The following ARID5B variants were observed in gnomAD, a reference collection of about 807,000 sequenced individuals.
The protein encoded by ARID5B is AT-rich interaction domain 5B.
Under a neutral mutation model 97.2 loss-of-function variants are expected in ARID5B, and 13 were observed. The observed-to-expected ratio is 0.13, with a 90% CI of 0.09 to 0.21. ARID5B has a LOEUF of 0.21. ARID5B is among the 10% of genes least tolerant of loss of function. ARID5B has a pLI of 1.00. For missense variants in ARID5B, 1,210 were observed against 1,465.3 expected (o/e 0.83, Z 2.84); for synonymous variants, 556 against 570.3 (o/e 0.97, Z 0.36).
intron 2 of ARID5B, among the ~76,000 whole-genome samples, chr10:61,936,242 T>G (rs1175930627): frequency 6.6e-6 from 1 of 152,208 alleles, no homozygotes; most frequent in African/African-American, 2.4e-5. Flanking sequence ...ATATCTCCTA[T>G]AAATAGAAAA....
chr10:61,968,068 T>C (rs1836749370), intron 3 of ARID5B, among the ~76,000 whole-genome samples: 1 of 148,864 alleles, frequency 6.7e-6, no homozygotes, highest in Non-Finnish European at 1.5e-5. Flanking sequence ...TGGGTGGGGG[T>C]GGCTCATTTC....
At chr10:61,972,139 T>C (rs377277514) in intron 3 of ARID5B, among the ~76,000 whole-genome samples, 1 of 152,100 alleles carries the variant, frequency 6.6e-6, no homozygotes. Flanking sequence ...AGTGTTGATA[T>C]TTGCCTGTTA....
intron 9 of ARID5B, among the ~76,000 whole-genome samples, chr10:62,090,008 A>G (rs929120363): frequency 6.6e-6 from 1 of 152,228 alleles, no homozygotes; most frequent in African/African-American, 2.4e-5. Flanking sequence ...CAAAGTTTAT[A>G]TGGCTGCATA....
At chr10:61,930,231 T>C (rs947844542) in intron 2 of ARID5B, among the ~76,000 whole-genome samples, 1 of 152,172 alleles carries the variant, frequency 6.6e-6, no homozygotes, top group Admixed American at 6.5e-5. Flanking sequence ...AGCAAAGAAA[T>C]GTAGAGGTGA....
chr10:61,935,798 A>G (rs1270871437), intron 2 of ARID5B, among the ~76,000 whole-genome samples: 1 of 152,266 alleles, frequency 6.6e-6, no homozygotes, highest in African/African-American at 2.4e-5. Flanking sequence ...AAAGTTAACC[A>G]TATTTTCAAA....
At chr10:61,977,482 A>G (rs192151533) in intron 3 of ARID5B, among the ~76,000 whole-genome samples, 1 of 152,322 alleles carries the variant, frequency 6.6e-6, no homozygotes, top group African/African-American at 2.4e-5. Flanking sequence ...CAACAGTGTA[A>G]AAGTGTTTCT....
chr10:62,083,866 G>A (rs1840248048), intron 8 of ARID5B, among the ~76,000 whole-genome samples: 1 of 152,166 alleles, frequency 6.6e-6, no homozygotes, highest in Non-Finnish European at 1.5e-5. Flanking sequence ...GGGAATGTTG[G>A]GGACTTTACA....
At chr10:62,025,602 C>A (rs1478536125) in intron 4 of ARID5B, among the ~76,000 whole-genome samples, 1 of 152,132 alleles carries the variant, frequency 6.6e-6, no homozygotes, top group East Asian at 1.9e-4. Flanking sequence ...CGTTTGTGTG[C>A]TTCCTGCGAT....
intron 7 of ARID5B, among the ~76,000 whole-genome samples, chr10:62,059,722 G>A (rs1404909684): frequency 6.6e-6 from 1 of 152,152 alleles, no homozygotes; most frequent in Non-Finnish European, 1.5e-5. Context: ...GAATGCAGCA[G>A]AATCTCCTCT....
intron 2 of ARID5B, among the ~76,000 whole-genome samples, chr10:61,932,482 T>C (rs1357526101): frequency 6.6e-6 from 1 of 151,268 alleles, no homozygotes. Flanking sequence ...GCATTAATGG[T>C]TCACTGCAGC....
chr10:62,004,157 G>A (rs1839117729), intron 4 of ARID5B, among the ~76,000 whole-genome samples: 1 of 152,070 alleles, frequency 6.6e-6, no homozygotes, highest in Non-Finnish European at 1.5e-5. Context: ...AGGCTTGAAG[G>A]GTTTTGATAG....
intron 4 of ARID5B, among the ~76,000 whole-genome samples, chr10:62,004,001 G>A (rs939668813): frequency 3.9e-5 from 6 of 152,126 alleles, no homozygotes; most frequent in African/African-American, 1.4e-4. Context: ...AACTATTAAA[G>A]AAAAATAGAA....
At chr10:62,079,634 G>A (rs918789879) in intron 8 of ARID5B, among the ~76,000 whole-genome samples, 9 of 152,054 alleles carry the variant, frequency 5.9e-5, no homozygotes, top group East Asian at 5.8e-4. Flanking sequence ...TATGGGAGCC[G>A]AGCCACCACC....
intron 2 of ARID5B, among the ~76,000 whole-genome samples, chr10:61,915,365 G>A (rs544318809): frequency 1.3e-5 from 2 of 152,336 alleles, no homozygotes; most frequent in African/African-American, 2.4e-5. Context: ...GGGATGAAGG[G>A]CAAATACAAG....
intron 5 of ARID5B, among the ~76,000 whole-genome samples, chr10:62,056,432 C>T (rs1443213452): frequency 6.6e-6 from 1 of 152,154 alleles, no homozygotes; most frequent in Non-Finnish European, 1.5e-5. Flanking sequence ...GGGTGGCAAA[C>T]AGCAGAGGCC....
Position 62,095,009 on chromosome 10 carries a change from T to C in ARID5B, c.*1979T>C, listed in dbSNP as rs1346175750. The C allele has an allele frequency of 4.3e-6, 1 of 230,278 alleles. No homozygotes were observed. The highest frequency in any genetic ancestry group is 5.7e-5 in the Admixed American group (1 of 17,648). 14.3% of individuals were successfully genotyped at this position (230,278 alleles called of 1,614,324 possible). On this transcript the variant is annotated 3_prime_UTR_variant, in exon 10 of 10. Transcript: ENST00000279873. ...ATGAAGCCAAATATTCAATGTAACA[T>C]ACTTAATATCCAAAGGTGGAAACAA...
chr10:61,980,142 A>T (rs185651769), intron 3 of ARID5B, among the ~76,000 whole-genome samples: 8 of 152,216 alleles, frequency 5.3e-5, no homozygotes, highest in Admixed American at 3.3e-4. Context: ...TTATATATTT[A>T]TCTGTGTACC....
intron 3 of ARID5B, among the ~76,000 whole-genome samples, chr10:61,978,496 G>A (rs1487515505): frequency 6.6e-6 from 1 of 152,216 alleles, no homozygotes; most frequent in Non-Finnish European, 1.5e-5. Flanking sequence ...CCATGAGCAT[G>A]GAATGTTCTT....
At chr10:62,077,137 G>C (rs1054394500) in intron 8 of ARID5B, among the ~76,000 whole-genome samples, 21 of 152,164 alleles carry the variant, frequency 1.4e-4, no homozygotes, top group African/African-American at 4.8e-4. Context: ...CCTACACCCA[G>C]AGTAGCTTCA....
Sources: allele counts gnomAD v4.1 joint callset (sites outside exome capture counted in the v4.1 genomes callset), GRCh38; gene constraint gnomAD v4.1.1; transcripts MANE v1.5; gene names NCBI Gene and HGNC (gene_info 2026-07-23, HGNC 2026-07-21).